The following ERC2 variants were observed in gnomAD, a reference collection of about 807,000 sequenced individuals.
The protein encoded by ERC2 is ERC protein 2.
A neutral mutation model predicts 114.8 loss-of-function variants in ERC2; 42 were observed. That is an observed-to-expected ratio of 0.37 (90% CI 0.29 to 0.47). The LOEUF is 0.47. ERC2 is among the 20% of genes least tolerant of loss of function. The probability of loss-of-function intolerance (pLI) is 0.99; values close to 1 mark genes in which losing one functional copy is unlikely to be tolerated. For missense variants in ERC2, 939 were observed against 1,150.7 expected (o/e 0.82, Z 2.66); for synonymous variants, 454 against 425.5 (o/e 1.07, Z -0.82).
At chr3:55,919,511 T>C (rs2065292349) in intron 13 of ERC2, among the ~76,000 whole-genome samples, 1 of 152,188 alleles carries the variant, frequency 6.6e-6, no homozygotes, top group African/African-American at 2.4e-5. Flanking sequence ...TGCCCAGTGA[T>C]ACACATTTAT....
At chr3:55,985,871 G>C (rs1205746283) in intron 12 of ERC2, 106 bp downstream of exon 12, 4 of 990,548 alleles carry the variant, frequency 4.0e-6, no homozygotes, top group Admixed American at 4.0e-5. Context: ...GGGAAATGCA[G>C]TGGCCCGAGG....
At chr3:55,677,194 C>T (rs1029142065) in intron 17 of ERC2, among the ~76,000 whole-genome samples, 1 of 152,092 alleles carries the variant, frequency 6.6e-6, no homozygotes, top group African/African-American at 2.4e-5. Flanking sequence ...TTTCTTTAAG[C>T]CGAAAGAAAC....
chr3:56,290,574 C>T (rs1443382071), intron 3 of ERC2, among the ~76,000 whole-genome samples: 1 of 152,144 alleles, frequency 6.6e-6, no homozygotes, highest in African/African-American at 2.4e-5. Context: ...CCTGCATCAG[C>T]AAAATCATGG....
At chr3:56,446,625 CTTTCTTTTTT>C (rs2062583409) in intron 1 of ERC2, among the ~76,000 whole-genome samples, 1 of 112,360 alleles carries the variant, frequency 8.9e-6, no homozygotes, top group South Asian at 3.0e-4. Flanking sequence ...TTTTTTTTTT[CTTTCTTTTTT>C]TTTTTTTTGA....
At chr3:56,366,757 C>A (rs1465771762) in intron 2 of ERC2, among the ~76,000 whole-genome samples, 1 of 152,180 alleles carries the variant, frequency 6.6e-6, no homozygotes, top group East Asian at 1.9e-4. Flanking sequence ...GCCCTATAAG[C>A]CTGTTGTCTA....
intron 17 of ERC2, among the ~76,000 whole-genome samples, chr3:55,590,766 G>A (rs1559705622): frequency 6.6e-6 from 1 of 152,204 alleles, no homozygotes; most frequent in African/African-American, 2.4e-5. Flanking sequence ...GTAGCATCTG[G>A]TGTTGTAATC....
At chr3:55,573,706 G>A (rs1302900056) in intron 17 of ERC2, among the ~76,000 whole-genome samples, 1 of 152,016 alleles carries the variant, frequency 6.6e-6, no homozygotes, top group Non-Finnish European at 1.5e-5. Context: ...CAGCCCACAT[G>A]TCCCTGCCTC....
intron 2 of ERC2, among the ~76,000 whole-genome samples, chr3:56,388,743 C>T (rs6802458): frequency 0.61 from 93,075 of 151,916 alleles, 29,023 homozygotes; most frequent in East Asian, 0.85. Context: ...CTACTTTGTA[C>T]GGCAATCACA....
intron 6 of ERC2, among the ~76,000 whole-genome samples, chr3:56,085,500 G>C (rs1335837489): frequency 6.6e-6 from 1 of 152,188 alleles, no homozygotes; most frequent in Non-Finnish European, 1.5e-5. Flanking sequence ...CTGGAAAGGT[G>C]GAGGGATACT....
In ERC2 at chr3:56,032,963, A is replaced by AAC. The variant is rs1560057020; in HGVS notation, c.1642-13933_1642-13932insGT. ...AGAAAGAAAGAAAGAAAGAAACAGA[A>AAC]AGAAAGAAAGAAAGAGAAAGAAAGA... On this transcript the variant is annotated intron_variant, in intron 7 of 17. Transcript: ENST00000288221. 1.3e-3 allele frequency among the ~76,000 whole-genome samples: 138 copies of AAC among 106,126 alleles called. 3 individuals are homozygous for AAC. Among genetic ancestry groups the AAC allele is most frequent in the African/African-American group, 2.5e-3 (74 of 29,656 alleles). The allele number at this position is 106,126 out of a possible 152,430, so 69.6% of individuals were successfully genotyped here. A position where few individuals can be genotyped will look rare whatever the true frequency, so the allele number is the denominator to read the frequency against.
intron 8 of ERC2, among the ~76,000 whole-genome samples, chr3:56,017,400 TC>T (rs1429516006): frequency 1.3e-5 from 2 of 152,196 alleles, no homozygotes; most frequent in Non-Finnish European, 2.9e-5. Context: ...ATTCATTCAT[TC>T]TTTTATTCAA....
chr3:55,744,564 T>C (rs2066188736), intron 14 of ERC2, among the ~76,000 whole-genome samples: 1 of 152,338 alleles, frequency 6.6e-6, no homozygotes, highest in South Asian at 2.1e-4. Context: ...AGGCTCTGAT[T>C]GGTTGCTTTC....
At chr3:56,259,182 G>A (rs1197767467) in intron 3 of ERC2, among the ~76,000 whole-genome samples, 1 of 151,898 alleles carries the variant, frequency 6.6e-6, no homozygotes, top group Non-Finnish European at 1.5e-5. Flanking sequence ...ATGTTGATCA[G>A]GCTGGTCTTG....
intron 12 of ERC2, among the ~76,000 whole-genome samples, chr3:55,979,948 CTTTTTTTTTCTTTTTT>C (rs1248704119): frequency 7.0e-6 from 1 of 143,420 alleles, no homozygotes; most frequent in Non-Finnish European, 1.5e-5. Flanking sequence ...ATCTCTTCTT[CTTTTTTTTTCTTTTTT>C]TTTTTTTTTT....
chr3:55,918,269 T>C (rs777210492), intron 13 of ERC2, among the ~76,000 whole-genome samples: 1 of 152,076 alleles, frequency 6.6e-6, no homozygotes, highest in Non-Finnish European at 1.5e-5. Flanking sequence ...GTTGAAGGTA[T>C]AGCAGAGACT....
At chr3:56,380,018 T>G (rs556724169) in intron 2 of ERC2, among the ~76,000 whole-genome samples, 1 of 152,220 alleles carries the variant, frequency 6.6e-6, no homozygotes, top group Admixed American at 6.5e-5. Flanking sequence ...TTGCAGGATG[T>G]TGAACAGCAC....
intron 17 of ERC2, among the ~76,000 whole-genome samples, chr3:55,596,471 T>A (rs1258766011): frequency 6.6e-6 from 1 of 152,048 alleles, no homozygotes; most frequent in Non-Finnish European, 1.5e-5. Context: ...CCCAGCAACT[T>A]GGGAGGCTGA....
chr3:55,864,158 C>CATATATATACACAT (rs769648344), intron 14 of ERC2, among the ~76,000 whole-genome samples: 182 of 112,980 alleles, frequency 1.6e-3, no homozygotes, highest in African/African-American at 5.1e-3. Flanking sequence ...TATATATACA[C>CATATATATACACAT]ATATATATAC....
At chr3:55,985,843 T>G in intron 12 of ERC2, 134 bp downstream of exon 12, 4 of 742,374 alleles carry the variant, frequency 5.4e-6, no homozygotes, top group South Asian at 1.7e-5. Context: ...TCCCAAGGCA[T>G]GGAATGAAAT....
Sources: allele counts gnomAD v4.1 joint callset (sites outside exome capture counted in the v4.1 genomes callset), GRCh38; gene constraint gnomAD v4.1.1; transcripts MANE v1.5; gene names NCBI Gene and HGNC (gene_info 2026-07-23, HGNC 2026-07-21).